Variants in CERT1 observed in about 807,000 individuals in gnomAD.
CERT1 encodes ceramide transfer protein.
Under a neutral mutation model 87.9 loss-of-function variants are expected in CERT1, and 31 were observed. The observed-to-expected ratio is 0.35, with a 90% CI of 0.27 to 0.48. The LOEUF is 0.48. CERT1 is among the 20% of genes least tolerant of loss of function. CERT1 has a pLI of 0.99. For synonymous variants in CERT1, 289 were observed against 250.9 expected (o/e 1.15, Z -1.44); for missense variants, 487 against 758.0 (o/e 0.64, Z 4.20).
At chr5:75,418,576 A>G in intron 6 of CERT1, among the ~76,000 whole-genome samples, 1 of 152,236 alleles carries the variant, frequency 6.6e-6, no homozygotes, top group Non-Finnish European at 1.5e-5. Flanking sequence ...TCAAAACTGT[A>G]ACCGACCCAA....
chr5:75,511,130 G>A lies in CERT1; in HGVS notation c.78C>T (p.Arg26=). Residue 26 remains arginine (R), a synonymous_variant, in exon 1 of 17, where the codon CGC becomes CGT. Transcript: ENST00000643780. The part of the protein sequence containing the change: ...PETESGPPVE[R]CGVLSKWTNY... ...TGCTCACCTTACTGAGGACCCCGCA[G>A]CGCTCCACAGGCGGCCCAGACTCCG... 2 of 1,598,206 alleles carry A rather than the reference G, an allele frequency of 1.3e-6. No homozygotes were observed. Among genetic ancestry groups the A allele is most frequent in the African/African-American group, 1.3e-5 (1 of 74,742 alleles).
chr5:75,443,327 A>G (rs867940373), intron 3 of CERT1, among the ~76,000 whole-genome samples: 13 of 152,268 alleles, frequency 8.5e-5, no homozygotes, highest in African/African-American at 1.9e-4. Flanking sequence ...GTTTACTAAT[A>G]TAAGTGTTTA....
At chr5:75,401,148 A>G (rs1427719721) in intron 9 of CERT1, 1 of 152,194 alleles carries the variant, frequency 6.6e-6, no homozygotes, top group African/African-American at 2.4e-5. Context: ...TCATATCAAC[A>G]TGCCTGGCTC....
chr5:75,441,170 T>A (rs1011533293), intron 3 of CERT1, among the ~76,000 whole-genome samples: 4 of 152,210 alleles, frequency 2.6e-5, no homozygotes, highest in Non-Finnish European at 5.9e-5. Context: ...CATATTTTTA[T>A]TGTACCTTTT....
intron 8 of CERT1, among the ~76,000 whole-genome samples, chr5:75,403,464 G>A (rs1580722155): frequency 6.6e-6 from 1 of 152,192 alleles, no homozygotes; most frequent in East Asian, 1.9e-4. Context: ...AAAGTTTGGT[G>A]TCCATAAAGT....
chr5:75,469,634 A>C (rs183740543), intron 2 of CERT1, among the ~76,000 whole-genome samples: 3 of 152,300 alleles, frequency 2.0e-5, no homozygotes, highest in Non-Finnish European at 4.4e-5. Flanking sequence ...CAAGGAATCA[A>C]ATGTACTATT....
chr5:75,394,433 T>C (rs1762165476), intron 11 of CERT1, among the ~76,000 whole-genome samples: 3 of 152,306 alleles, frequency 2.0e-5, no homozygotes, highest in Non-Finnish European at 2.9e-5. Flanking sequence ...AAAGATCGCT[T>C]GAGGTTGCAG....
intron 7 of CERT1, among the ~76,000 whole-genome samples, chr5:75,414,661 G>C (rs1173137973): frequency 1.3e-5 from 2 of 151,858 alleles, no homozygotes; most frequent in African/African-American, 2.4e-5. Context: ...TATTATTATA[G>C]GTAACCAATA....
At chr5:75,484,730 A>C (rs1766428583) in intron 2 of CERT1, among the ~76,000 whole-genome samples, 1 of 152,196 alleles carries the variant, frequency 6.6e-6, no homozygotes, top group African/African-American at 2.4e-5. Context: ...AGATATATAA[A>C]GCAAATATTA....
Position 75,458,878 on chromosome 5 carries a change from T to A in CERT1, c.348+187A>T, listed in dbSNP as rs146729658. On this transcript the variant is annotated intron_variant, in intron 3 of 16. Coordinates refer to ENST00000643780, the MANE Select transcript of CERT1 (RefSeq NM_001379029.1). Reference sequence around the variant, plus strand: ...TAATATTTATCATAGCAAATACCCTTAGTACAACTAAAGTGTTAAAAATAA... The same window carrying A: ...TAATATTTATCATAGCAAATACCCTAAGTACAACTAAAGTGTTAAAAATAA... Among the ~76,000 whole-genome samples the A allele has an allele frequency of 6.8e-4, 104 of 152,316 alleles. 1 individual carries two copies. Among genetic ancestry groups the A allele is most frequent in the African/African-American group, 2.4e-3 (101 of 41,574 alleles).
chr5:75,391,681 G>C (rs542206982), intron 11 of CERT1, among the ~76,000 whole-genome samples: 22 of 152,266 alleles, frequency 1.4e-4, no homozygotes, highest in African/African-American at 5.3e-4. Context: ...TTTCCAAAAA[G>C]AAAAGTTCCA....
At chr5:75,508,655 G>C (rs1767771256) in intron 1 of CERT1, among the ~76,000 whole-genome samples, 1 of 152,092 alleles carries the variant, frequency 6.6e-6, no homozygotes, top group Non-Finnish European at 1.5e-5. Flanking sequence ...TGGCCAACAG[G>C]CCAGCAGACA....
chr5:75,388,865 T>C (rs929415212), intron 12 of CERT1, among the ~76,000 whole-genome samples: 1 of 151,868 alleles, frequency 6.6e-6, no homozygotes, highest in Non-Finnish European at 1.5e-5. Context: ...GCTCAAGTAA[T>C]CCGCCTGCCA....
At chr5:75,484,374 T>C (rs2112402303) in intron 2 of CERT1, among the ~76,000 whole-genome samples, 1 of 147,260 alleles carries the variant, frequency 6.8e-6, no homozygotes, top group East Asian at 2.0e-4. Context: ...AATAACAAAA[T>C]GGCAGGAGTA....
At chr5:75,499,243 T>C (rs188332342) in intron 2 of CERT1, among the ~76,000 whole-genome samples, 32 of 152,268 alleles carry the variant, frequency 2.1e-4, no homozygotes, top group Admixed American at 1.6e-3. Flanking sequence ...AGCTAAGACT[T>C]TGGGGGACTG....
intron 2 of CERT1, among the ~76,000 whole-genome samples, chr5:75,492,283 A>G (rs1210155413): frequency 2.0e-5 from 3 of 152,148 alleles, no homozygotes; most frequent in African/African-American, 7.2e-5. Context: ...GAGGATCATG[A>G]GCCCAGGAGG....
rs1360845880 is a variant in CERT1, at chr5:75,511,414, G to A, written c.-207C>T. ...GCGGAGCGAGGAAGGAGGACGAGCG[G>A]TGAAGGAAGCCTACCCTTCCAGCCG... On this transcript the variant is annotated 5_prime_UTR_variant, in exon 1 of 17. Coordinates refer to ENST00000643780, the MANE Select transcript of CERT1 (RefSeq NM_001379029.1). 1.3e-6 allele frequency: 2 copies of A among 1,545,370 alleles called. No individual in the cohort carries two copies. The highest frequency in any genetic ancestry group is 1.7e-6 in the Non-Finnish European group (2 of 1,145,574).
At chr5:75,406,777 T>A (rs1199822117) in intron 8 of CERT1, among the ~76,000 whole-genome samples, 1 of 152,094 alleles carries the variant, frequency 6.6e-6, no homozygotes, top group Non-Finnish European at 1.5e-5. Flanking sequence ...ACTCCTGACC[T>A]CAGGTGATCT....
chr5:75,449,438 G>A (rs556429226), intron 3 of CERT1, among the ~76,000 whole-genome samples: 33 of 152,154 alleles, frequency 2.2e-4, no homozygotes, highest in Non-Finnish European at 3.7e-4. Flanking sequence ...TTTCTTGGTT[G>A]CTGGGAATTT....
Sources: gnomAD v4.1 joint callset for allele counts (sites outside exome capture counted in the v4.1 genomes callset) on GRCh38, gnomAD v4.1.1 for gene constraint, MANE v1.5 for transcripts, NCBI Gene and HGNC (gene_info 2026-07-23, HGNC 2026-07-21) for gene names.